ELOVL7: variants seen among roughly 807,000 people sequenced by gnomAD.
The protein encoded by ELOVL7 is ELOVL fatty acid elongase 7.
A neutral mutation model predicts 35.7 loss-of-function variants in ELOVL7; 27 were observed. That is an observed-to-expected ratio of 0.76 (90% CI 0.56 to 1.04). The LOEUF (loss-of-function observed/expected upper bound fraction) is 1.04, where lower values mean the gene tolerates loss of function less well. Ranked by LOEUF, ELOVL7 falls within the 50% of genes least tolerant of loss-of-function variation. The pLI, the probability that ELOVL7 is intolerant of heterozygous loss-of-function variation, is 0.00. For missense variants in ELOVL7, 327 were observed against 340.8 expected (o/e 0.96, Z 0.32); for synonymous variants, 113 against 114.6 (o/e 0.99, Z 0.09).
At chr5:60,813,731 A>G (rs1471277810) in intron 1 of ELOVL7, among the ~76,000 whole-genome samples, 1 of 152,186 alleles carries the variant, frequency 6.6e-6, no homozygotes, top group Non-Finnish European at 1.5e-5. Context: ...TAGTACAAAA[A>G]GGATTTGCAA....
chr5:60,823,035 A>G (rs1745975251), intron 1 of ELOVL7, among the ~76,000 whole-genome samples: 1 of 152,210 alleles, frequency 6.6e-6, no homozygotes, highest in Admixed American at 6.5e-5. Flanking sequence ...CTTGTTCACG[A>G]AGCCTGGTGG....
At chr5:60,801,917 G>C (rs1340015852) in intron 1 of ELOVL7, among the ~76,000 whole-genome samples, 1 of 151,770 alleles carries the variant, frequency 6.6e-6, no homozygotes, top group East Asian at 1.9e-4. Flanking sequence ...GCCTCAGACT[G>C]AGGGCTGCAC....
At chr5:60,779,127 G>C (rs1743083912) in intron 3 of ELOVL7, among the ~76,000 whole-genome samples, 1 of 152,206 alleles carries the variant, frequency 6.6e-6, no homozygotes, top group Non-Finnish European at 1.5e-5. Context: ...CTGTGGCTTT[G>C]CAGGGTACAG....
chr5:60,788,064 T>C (rs998727358), intron 2 of ELOVL7, among the ~76,000 whole-genome samples: 2 of 152,136 alleles, frequency 1.3e-5, no homozygotes, highest in African/African-American at 4.8e-5. Flanking sequence ...TAAAAGATAT[T>C]ATAAATCTGC....
chr5:60,780,399 C>T (rs1431965599), intron 3 of ELOVL7, among the ~76,000 whole-genome samples: 4 of 152,082 alleles, frequency 2.6e-5, no homozygotes, highest in Admixed American at 2.6e-4. Context: ...GGATTACAGG[C>T]ATGAGTCACG....
At chr5:60,801,852 C>T (rs1744637039) in intron 1 of ELOVL7, among the ~76,000 whole-genome samples, 1 of 151,924 alleles carries the variant, frequency 6.6e-6, no homozygotes, top group Non-Finnish European at 1.5e-5. Context: ...GGCTCTTTGG[C>T]CTTTGGACTC....
chr5:60,823,910 A>G (rs1445293), intron 1 of ELOVL7, among the ~76,000 whole-genome samples: 87,481 of 151,974 alleles, frequency 0.58, 25,857 homozygotes, highest in East Asian at 0.9. Flanking sequence ...AGACTTAAGT[A>G]ATGCTGGTCA....
intron 1 of ELOVL7, among the ~76,000 whole-genome samples, chr5:60,823,438 G>A (rs1300957036): frequency 6.6e-6 from 1 of 152,154 alleles, no homozygotes; most frequent in African/African-American, 2.4e-5. Context: ...CACCAGGAAG[G>A]CACGGACTAT....
intron 2 of ELOVL7, 64 bp from the exon 3 acceptor site, chr5:60,787,495 G>C: frequency 1.1e-6 from 1 of 902,132 alleles, no homozygotes; most frequent in Non-Finnish European, 1.6e-6. Flanking sequence ...CAAGCTTATA[G>C]TAATACATTA....
intron 1 of ELOVL7, among the ~76,000 whole-genome samples, chr5:60,837,339 T>TGGGGGGGGGGGGGG (rs1746886907): frequency 1.3e-5 from 1 of 76,562 alleles, no homozygotes; most frequent in African/African-American, 6.4e-5. Flanking sequence ...GGGGTGGGGG[T>TGGGGGGGGGGGGGG]GGCGCTTGTC....
Position 60,763,745 on chromosome 5 carries a change from C to T in ELOVL7, c.499+482G>A, listed in dbSNP as rs1742062509. Reference sequence around the variant, plus strand: ...AGGATGCTTTAGGAAGTTGGGGTAACCACAATTTGACACATCTTTAAAGAG... The same window carrying T: ...AGGATGCTTTAGGAAGTTGGGGTAATCACAATTTGACACATCTTTAAAGAG... On this transcript the variant is annotated intron_variant, in intron 7 of 8. Coordinates refer to ENST00000508821, the MANE Select transcript of ELOVL7 (RefSeq NM_024930.3). Among the ~76,000 whole-genome samples the T allele has an allele frequency of 3.3e-5, 5 of 152,198 alleles. No individual in the cohort carries two copies. The South Asian group carries it at 1.0e-3, about 32-fold the overall frequency.
chr5:60,759,885 G>C (rs1211179952), intron 7 of ELOVL7, among the ~76,000 whole-genome samples: 1 of 151,914 alleles, frequency 6.6e-6, no homozygotes, highest in Non-Finnish European at 1.5e-5. Flanking sequence ...GAGAATATGA[G>C]GTGTTTGGTT....
chr5:60,838,805 C>A (rs1240756536), intron 1 of ELOVL7, among the ~76,000 whole-genome samples: 1 of 149,934 alleles, frequency 6.7e-6, no homozygotes, highest in Non-Finnish European at 1.5e-5. Flanking sequence ...GGGCAGATCA[C>A]CTGAGGTCAG....
intron 3 of ELOVL7, among the ~76,000 whole-genome samples, chr5:60,776,247 G>A (rs747140024): frequency 6.6e-6 from 1 of 152,180 alleles, no homozygotes; most frequent in Non-Finnish European, 1.5e-5. Flanking sequence ...TGTTGAGGCT[G>A]TGGAGAAAAG....
rs192003897 is a variant in ELOVL7 at position 60,761,733 on chromosome 5, T to C, written c.499+2494A>G. Among the ~76,000 whole-genome samples the C allele has an allele frequency of 1.2e-3, 177 of 152,196 alleles. 1 individual carries two copies. The highest frequency in any genetic ancestry group is 2.2e-3 in the Non-Finnish European group (147 of 68,022). ...GGTATGCTGTTTGAATTCATAAAAA[T>C]AGGGAGGTTAGGAGGACAGTTTTAA... On this transcript the variant is annotated intron_variant, in intron 7 of 8. Coordinates refer to ENST00000508821, the MANE Select transcript of ELOVL7 (RefSeq NM_024930.3).
chr5:60,759,523 C>G (rs534551721), intron 7 of ELOVL7, among the ~76,000 whole-genome samples: 30 of 152,038 alleles, frequency 2.0e-4, no homozygotes, highest in Non-Finnish European at 3.8e-4. Flanking sequence ...CATAGGACAT[C>G]TATTTCACCT....
intron 1 of ELOVL7, among the ~76,000 whole-genome samples, chr5:60,800,580 T>C (rs1476397645): frequency 6.6e-6 from 1 of 152,196 alleles, no homozygotes; most frequent in Admixed American, 6.5e-5. Context: ...CTCTCACCAC[T>C]TTTTTTGTTG....
At position 60,787,381 on chromosome 5, in the gene ELOVL7, A is replaced by C. The variant is rs1323148075; in HGVS notation, c.17T>G (p.Leu6Arg). Reference protein sequence around the residue: MAFSDLTSRTVHLYDN... With the variant: MAFSDRTSRTVHLYDN... Reference sequence around the variant, plus strand: ...ATAAAGATGCACAGTCCTCGATGTAAGATCACTGAAGGCCATTTTCCACAG... The same window carrying C: ...ATAAAGATGCACAGTCCTCGATGTACGATCACTGAAGGCCATTTTCCACAG... The change falls in exon 3 of 9, where the codon CTT becomes CGT. Residue 6 changes from leucine (L) to arginine (R), a missense_variant. Coordinates refer to ENST00000508821, the MANE Select transcript of ELOVL7 (RefSeq NM_024930.3). The C allele has an allele frequency of 6.2e-7, 1 of 1,603,346 alleles. No individual in the cohort carries two copies. Among genetic ancestry groups the C allele is most frequent in the African/African-American group, 1.3e-5 (1 of 74,366 alleles).
At chr5:60,798,130 C>T (rs1272321167) in intron 2 of ELOVL7, among the ~76,000 whole-genome samples, 1 of 152,110 alleles carries the variant, frequency 6.6e-6, no homozygotes, top group Non-Finnish European at 1.5e-5. Flanking sequence ...AGCTGTGCCC[C>T]GACCACCTTG....
Sources: allele counts gnomAD v4.1 joint callset (sites outside exome capture counted in the v4.1 genomes callset), GRCh38; gene constraint gnomAD v4.1.1; transcripts MANE v1.5; gene names NCBI Gene and HGNC (gene_info 2026-07-23, HGNC 2026-07-21).